RIT2: variants seen among roughly 807,000 people sequenced by gnomAD.
RIT2 encodes the protein GTP-binding protein Rit2.
A neutral mutation model predicts 23.7 loss-of-function variants in RIT2; 24 were observed. The observed-to-expected ratio is 1.01, with a 90% CI of 0.73 to 1.43. RIT2 has a LOEUF of 1.43. Among genes scored for constraint, RIT2 ranks in the 40% most tolerant of loss-of-function variants. The pLI is 0.00. For synonymous variants in RIT2, 107 were observed against 91.1 expected (o/e 1.17, Z -0.99); for missense variants, 236 against 266.9 (o/e 0.88, Z 0.81).
At chr18:42,909,169 C>T (rs1317773557) in intron 4 of RIT2, among the ~76,000 whole-genome samples, 1 of 152,088 alleles carries the variant, frequency 6.6e-6, no homozygotes, top group Non-Finnish European at 1.5e-5. Context: ...ATGTATTTTG[C>T]AGCAACTTGG....
At chr18:42,998,816 T>C (rs1485084859) in intron 2 of RIT2, among the ~76,000 whole-genome samples, 1 of 152,096 alleles carries the variant, frequency 6.6e-6, no homozygotes, top group Non-Finnish European at 1.5e-5. Flanking sequence ...CGCCTCTTCA[T>C]TCTTTTGCAG....
At chr18:42,890,113 G>T (rs2144092123) in intron 4 of RIT2, among the ~76,000 whole-genome samples, 1 of 152,060 alleles carries the variant, frequency 6.6e-6, no homozygotes, top group East Asian at 1.9e-4. Flanking sequence ...CCACTGAGAT[G>T]ACCTCAGGAA....
At chr18:43,008,809 A>G (rs1431643069) in intron 2 of RIT2, among the ~76,000 whole-genome samples, 1 of 151,634 alleles carries the variant, frequency 6.6e-6, no homozygotes, top group Non-Finnish European at 1.5e-5. Context: ...TAAACAAGAT[A>G]ATTTATTTAA....
At chr18:43,060,955 A>G (rs559674325) in intron 1 of RIT2, among the ~76,000 whole-genome samples, 25 of 152,084 alleles carry the variant, frequency 1.6e-4, no homozygotes, top group South Asian at 6.2e-4. Context: ...AATAGCAACT[A>G]AATAATTGAG....
chr18:42,803,678 G>A (rs1358334798), intron 4 of RIT2, among the ~76,000 whole-genome samples: 1 of 152,106 alleles, frequency 6.6e-6, no homozygotes, highest in Non-Finnish European at 1.5e-5. Flanking sequence ...CATGTTTTAT[G>A]GGGCAATTAA....
chr18:43,064,598 A>G (rs1008965975), intron 1 of RIT2, among the ~76,000 whole-genome samples: 6 of 152,030 alleles, frequency 3.9e-5, no homozygotes, highest in African/African-American at 1.4e-4. Context: ...TTCTTGAGCA[A>G]TTTTTCTTCT....
Position 43,026,608 on chromosome 18 carries a change from GAA to G in RIT2, c.160+7201_160+7202del, listed in dbSNP as rs1336515740. 2.2e-4 allele frequency among the ~76,000 whole-genome samples: 31 copies of G among 140,358 alleles called. 1 individual carries two copies. Among genetic ancestry groups the G allele is most frequent in the Middle Eastern group, 3.6e-3 (1 of 274 alleles). 92.1% of individuals were successfully genotyped at this position (140,358 alleles called of 152,430 possible). On this transcript the variant is annotated intron_variant, in intron 2 of 4. Transcript: ENST00000326695. ...AGAAAGAAAGAAAGAAAGAAAGAAA[GAA>G]AGAAAGAAAGAAAGAAAGAAAGAAA...
At chr18:42,825,954 G>A (rs996738284) in intron 4 of RIT2, among the ~76,000 whole-genome samples, 7 of 151,794 alleles carry the variant, frequency 4.6e-5, no homozygotes, top group Admixed American at 2.6e-4. Context: ...TTCATCTGGT[G>A]GAATTGCAAT....
intron 2 of RIT2, among the ~76,000 whole-genome samples, chr18:42,987,175 T>A (rs1160582719): frequency 4.6e-5 from 7 of 152,204 alleles, no homozygotes; most frequent in Non-Finnish European, 1.0e-4. Flanking sequence ...TGTTTATGTA[T>A]GTGTGTGCGT....
Position 43,115,578 on chromosome 18 carries a change from C to T in RIT2, c.-59G>A, listed in dbSNP as rs559677859. The T allele has an allele frequency of 2.5e-6, 4 of 1,577,592 alleles. No homozygotes were observed. Among genetic ancestry groups the T allele is most frequent in the East Asian group, 2.3e-5 (1 of 44,400 alleles). On this transcript the variant is annotated 5_prime_UTR_variant, in exon 1 of 5. Coordinates refer to ENST00000326695, the MANE Select transcript of RIT2 (RefSeq NM_002930.4). The stretch of plus-strand genomic sequence containing the variant: ...GAAAGTCACCCGTGTCAGGTGCTTG[C>T]TCGAATATTAAGCAACTCTAAAACT...
intron 4 of RIT2, among the ~76,000 whole-genome samples, chr18:42,822,342 T>A (rs1906175681): frequency 6.6e-6 from 1 of 152,142 alleles, no homozygotes; most frequent in Non-Finnish European, 1.5e-5. Context: ...TGCATAAAAC[T>A]TGGGATCCAA....
intron 4 of RIT2, among the ~76,000 whole-genome samples, chr18:42,793,839 G>A (rs1432324700): frequency 6.6e-6 from 1 of 152,182 alleles, no homozygotes; most frequent in African/African-American, 2.4e-5. Context: ...CTCTACTCCT[G>A]TTATTTATTA....
intron 4 of RIT2, among the ~76,000 whole-genome samples, chr18:42,834,336 C>T (rs1401430253): frequency 1.3e-5 from 2 of 152,106 alleles, no homozygotes; most frequent in Admixed American, 1.3e-4. Context: ...GGTACATGGA[C>T]AATTCGTATA....
At chr18:43,097,117 G>A (rs1468598663) in intron 1 of RIT2, among the ~76,000 whole-genome samples, 1 of 151,784 alleles carries the variant, frequency 6.6e-6, no homozygotes, top group Non-Finnish European at 1.5e-5. Context: ...TGTAGACTAG[G>A]GATTCTCAAA....
intron 4 of RIT2, among the ~76,000 whole-genome samples, chr18:42,788,796 G>T (rs1913977696): frequency 6.6e-6 from 1 of 152,110 alleles, no homozygotes; most frequent in Non-Finnish European, 1.5e-5. Context: ...GCCATAGTTT[G>T]TCAGTTGGTT....
intron 4 of RIT2, among the ~76,000 whole-genome samples, chr18:42,768,451 C>T (rs1913475626): frequency 6.6e-6 from 1 of 152,082 alleles, no homozygotes; most frequent in Non-Finnish European, 1.5e-5. Context: ...AACTATGATG[C>T]CTGAGAGTTC....
chr18:43,064,904 C>T (rs900450711), intron 1 of RIT2, among the ~76,000 whole-genome samples: 2 of 152,126 alleles, frequency 1.3e-5, no homozygotes, highest in South Asian at 2.1e-4. Context: ...GCAACCTCCA[C>T]CTCCTGGGTT....
chr18:42,888,340 G>T (rs1224828898), intron 4 of RIT2, among the ~76,000 whole-genome samples: 4 of 151,762 alleles, frequency 2.6e-5, no homozygotes, highest in Non-Finnish European at 4.4e-5. Context: ...TTGTTTGTTT[G>T]GTTGGTTGGT....
rs533778999 is a variant in RIT2, at chr18:43,069,879, T to C, written c.104-36012A>G. ...TCAGAGAAGATACCCTTGAGAACAA[T>C]AAAATAATAACTTTCTCACCTCTCT... is the stretch of plus-strand genomic sequence containing the variant. On this transcript the variant is annotated intron_variant, in intron 1 of 4. Transcript: ENST00000326695. Among the ~76,000 whole-genome samples the C allele has an allele frequency of 3.9e-5, 6 of 152,236 alleles. No homozygotes were observed. In the South Asian group the frequency reaches 6.2e-4, roughly 16 times the overall value.
Sources: gnomAD v4.1 joint callset for allele counts (sites outside exome capture counted in the v4.1 genomes callset) on GRCh38, gnomAD v4.1.1 for gene constraint, MANE v1.5 for transcripts, NCBI Gene and HGNC (gene_info 2026-07-23, HGNC 2026-07-21) for gene names.